The following GLI2 variants were observed in gnomAD, a reference collection of about 807,000 sequenced individuals.
The protein encoded by GLI2 is GLI family zinc finger 2, also known as transcription activator GLI2.
In GLI2, 22 loss-of-function variants were observed where a neutral mutation model predicts 78.9. The observed-to-expected ratio is 0.28, with a 90% CI of 0.20 to 0.40. GLI2 has a LOEUF of 0.40. GLI2 is among the 10% of genes least tolerant of loss of function. The probability of loss-of-function intolerance (pLI) is 1.00; values close to 1 mark genes in which losing one functional copy is unlikely to be tolerated. For synonymous variants in GLI2, 974 were observed against 963.7 expected, an observed-to-expected ratio of 1.01 and a Z score of -0.20; for missense variants, 2,097 against 2,213.2, an observed-to-expected ratio of 0.95 and a Z score of 1.05.
chr2:120,865,901 C>G (rs1041626574), intron 2 of GLI2, among the ~76,000 whole-genome samples: 5 of 152,244 alleles, frequency 3.3e-5, no homozygotes, highest in African/African-American at 9.6e-5. Context: ...TGGCACCCCC[C>G]CTGTTCAAGA....
At chr2:120,860,121 G>C (rs143602889) in intron 2 of GLI2, among the ~76,000 whole-genome samples, 2 of 152,324 alleles carry the variant, frequency 1.3e-5, no homozygotes, top group African/African-American at 4.8e-5. Context: ...TGTGAGGGTG[G>C]ATTGAAGGGG....
chr2:120,753,375 C>T (rs566460103), intron 1 of GLI2, among the ~76,000 whole-genome samples: 6 of 152,262 alleles, frequency 3.9e-5, no homozygotes, highest in East Asian at 1.9e-4. Flanking sequence ...GGATTACAGG[C>T]GTGAGCCACT....
At chr2:120,756,373 A>G (rs1683033912) in intron 1 of GLI2, among the ~76,000 whole-genome samples, 1 of 152,224 alleles carries the variant, frequency 6.6e-6, no homozygotes, top group African/African-American at 2.4e-5. Flanking sequence ...ATTAAAGAAT[A>G]TAATTGGTTT....
rs1038692152 is a variant in GLI2, at chr2:120,988,712, G to A, written c.2747G>A (p.Arg916His). The change falls in exon 14 of 14, where the codon CGC becomes CAC. Residue 916 changes from arginine to histidine, a missense_variant. By Grantham distance (29) the Arg-to-His change is conservative. Transcript: ENST00000361492. ...PERTLPAGCP[R>H]PLGPRRGSDG... ...CGCACGCTGCCCGCCGGCTGCCCACGCCCACTGGGGCCGCGGCGTGGCAGC... is the reference window on the plus strand; with the variant it reads ...CGCACGCTGCCCGCCGGCTGCCCACACCCACTGGGGCCGCGGCGTGGCAGC... The A allele has an allele frequency of 9.1e-6, 11 of 1,210,852 alleles. No homozygotes were observed. Among genetic ancestry groups the A allele is most frequent in the African/African-American group, 1.6e-5 (1 of 60,934 alleles). 75.0% of individuals were successfully genotyped at this position (1,210,852 alleles called of 1,614,324 possible).
rs753119981 is a variant in GLI2 at position 120,990,679 on chromosome 2, C to T, written c.*4C>T. On this transcript the variant is annotated 3_prime_UTR_variant, in exon 14 of 14. Transcript: ENST00000361492. ...GTTCCTGAACATGATGACCTAGAGGCCCGAGCGCCTGGTGCTGAGTGCACC... is the reference window on the plus strand; with the variant it reads ...GTTCCTGAACATGATGACCTAGAGGTCCGAGCGCCTGGTGCTGAGTGCACC... 10 of 1,610,060 alleles carry T rather than the reference C, an allele frequency of 6.2e-6. No individual in the cohort carries two copies. The Admixed American group carries it at 1.5e-4, about 24-fold the overall frequency.
At chr2:120,752,785 T>C (rs1279142845) in intron 1 of GLI2, among the ~76,000 whole-genome samples, 1 of 152,186 alleles carries the variant, frequency 6.6e-6, no homozygotes, top group East Asian at 1.9e-4. Context: ...ATATAATCTT[T>C]TTTACTTTTT....
intron 2 of GLI2, among the ~76,000 whole-genome samples, chr2:120,912,707 G>A (rs950184641): frequency 3.3e-5 from 5 of 152,168 alleles, no homozygotes; most frequent in South Asian, 2.1e-4. Flanking sequence ...TCATGACCCC[G>A]GCATGGGCTT....
At chr2:120,852,702 T>G (rs193163558) in intron 2 of GLI2, among the ~76,000 whole-genome samples, 1 of 152,312 alleles carries the variant, frequency 6.6e-6, no homozygotes, top group Admixed American at 6.5e-5. Flanking sequence ...CCATTATAGG[T>G]TCATTCCTTT....
intron 1 of GLI2, among the ~76,000 whole-genome samples, chr2:120,764,767 A>G (rs1436885889): frequency 6.6e-6 from 1 of 152,246 alleles, no homozygotes; most frequent in African/African-American, 2.4e-5. Flanking sequence ...CCTGAAGTAA[A>G]GAAACTTTTT....
At chr2:120,971,293 G>C (rs115212380) in intron 7 of GLI2, among the ~76,000 whole-genome samples, 5,613 of 152,344 alleles carry the variant, frequency 0.037, 125 homozygotes, top group Middle Eastern at 0.061. Flanking sequence ...GATCCTGGGA[G>C]CACTGACAAC....
At chr2:120,826,636 G>A (rs7593071) in intron 2 of GLI2, among the ~76,000 whole-genome samples, 1 of 152,164 alleles carries the variant, frequency 6.6e-6, no homozygotes, top group Non-Finnish European at 1.5e-5. Flanking sequence ...CTGCATTGCC[G>A]TTTTACAGAT....
At chr2:120,955,476 C>T in intron 5 of GLI2, 46 bp downstream of exon 5, 5 of 1,244,010 alleles carry the variant, frequency 4.0e-6, no homozygotes, top group Non-Finnish European at 4.5e-6. Context: ...AGCAGATCTC[C>T]TCTTGAGGCT....
Position 120,951,726 on chromosome 2 carries a change from A to G in GLI2, c.457+281A>G, listed in dbSNP as rs148932143. 2.9e-3 allele frequency: 1,060 copies of G among 359,536 alleles called. 10 individuals carry two copies. Among genetic ancestry groups the G allele is most frequent in the African/African-American group, 0.021 (1,008 of 48,228 alleles). The allele number at this position is 359,536 out of a possible 1,614,324, so 22.3% of individuals were successfully genotyped here. A position where few individuals can be genotyped will look rare whatever the true frequency, so the allele number is the denominator to read the frequency against. ...GGTAGGTCCTGTGTAGCTGAGAACCACTGGTTGTAACCAACCAAAGCCTGC... is the reference window on the plus strand; with the variant it reads ...GGTAGGTCCTGTGTAGCTGAGAACCGCTGGTTGTAACCAACCAAAGCCTGC... On this transcript the variant is annotated intron_variant, in intron 4 of 13. Coordinates refer to ENST00000361492, the MANE Select transcript of GLI2 (RefSeq NM_001374353.1).
intron 1 of GLI2, among the ~76,000 whole-genome samples, chr2:120,759,977 C>G (rs1683165394): frequency 6.6e-6 from 1 of 152,262 alleles, no homozygotes; most frequent in Admixed American, 6.5e-5. Context: ...CACAGCTGGA[C>G]AGTTAAGCCT....
chr2:120,875,462 T>G (rs898721541), intron 2 of GLI2, among the ~76,000 whole-genome samples: 1 of 152,224 alleles, frequency 6.6e-6, no homozygotes, highest in African/African-American at 2.4e-5. Context: ...GAAATGGCCC[T>G]TGAGGCTAGG....
intron 2 of GLI2, among the ~76,000 whole-genome samples, chr2:120,798,496 C>T (rs6751961): frequency 0.014 from 2,066 of 152,278 alleles, 55 homozygotes; most frequent in African/African-American, 0.046. Context: ...GACCTGAGGG[C>T]CTGCGGGGGG....
intron 6 of GLI2, among the ~76,000 whole-genome samples, chr2:120,969,145 A>C (rs1276537819): frequency 6.6e-6 from 1 of 152,246 alleles, no homozygotes; most frequent in Non-Finnish European, 1.5e-5. Context: ...GTCATGAATG[A>C]CTCAAATGTG....
intron 2 of GLI2, among the ~76,000 whole-genome samples, chr2:120,905,867 G>GCCCCCCCCCCCCCC (rs149778827): frequency 4.8e-5 from 7 of 145,990 alleles, no homozygotes; most frequent in African/African-American, 1.6e-4. Context: ...GGGCTACACT[G>GCCCCCCCCCCCCCC]CCCCCCCCCC....
intron 2 of GLI2, among the ~76,000 whole-genome samples, chr2:120,824,482 C>T (rs3943552): frequency 0.14 from 20,869 of 152,208 alleles, 1,776 homozygotes; most frequent in African/African-American, 0.24. Context: ...TTGGCTCTTA[C>T]GTTCACGAGC....
Sources: allele counts gnomAD v4.1 joint callset (sites outside exome capture counted in the v4.1 genomes callset), GRCh38; gene constraint gnomAD v4.1.1; transcripts MANE v1.5; gene names NCBI Gene and HGNC (gene_info 2026-07-23, HGNC 2026-07-21).